Variants in SLC44A5 observed in about 807,000 individuals in gnomAD.
The protein encoded by SLC44A5 is choline transporter-like protein 5.
Under a neutral mutation model 101.8 loss-of-function variants are expected in SLC44A5, and 57 were observed. That is an observed-to-expected ratio of 0.56 (90% confidence interval 0.45 to 0.70). SLC44A5 has a LOEUF of 0.70. SLC44A5 is among the 30% of genes least tolerant of loss of function. The pLI is 0.00. For missense variants in SLC44A5, 737 were observed against 853.1 expected (o/e 0.86, Z 1.70); for synonymous variants, 281 against 290.9 (o/e 0.97, Z 0.35).
chr1:75,510,646 A>G (rs1348221092), intron 2 of SLC44A5, among the ~76,000 whole-genome samples: 2 of 152,214 alleles, frequency 1.3e-5, no homozygotes, highest in Non-Finnish European at 2.9e-5. Context: ...ACAAATTCAC[A>G]TATACTGCCT....
chr1:75,566,229 T>C (rs1672778189), intron 1 of SLC44A5, among the ~76,000 whole-genome samples: 1 of 152,230 alleles, frequency 6.6e-6, no homozygotes, highest in South Asian at 2.1e-4. Context: ...ACTAGCTATT[T>C]ATGATAAAAA....
the SLC44A5 span, among the ~76,000 whole-genome samples, chr1:75,711,662 G>A: frequency 6.6e-6 from 1 of 152,292 alleles, no homozygotes; most frequent in East Asian, 1.9e-4. Flanking sequence ...AAAAGTCAAG[G>A]ACAAGGGTCA....
intron 2 of SLC44A5, among the ~76,000 whole-genome samples, chr1:75,515,780 A>G (rs1669795461): frequency 6.6e-6 from 1 of 152,168 alleles, no homozygotes; most frequent in African/African-American, 2.4e-5. Context: ...ATACCCAGAG[A>G]TAGGATTGCT....
At chr1:75,681,628 A>G in the SLC44A5 span, among the ~76,000 whole-genome samples, 3 of 150,462 alleles carry the variant, frequency 2.0e-5, no homozygotes, top group African/African-American at 7.3e-5. Context: ...AGAGCTATCT[A>G]TGACAAACCC....
chr1:75,224,769 T>TAA (rs35175526), intron 13 of SLC44A5, among the ~76,000 whole-genome samples: 5 of 141,718 alleles, frequency 3.5e-5, no homozygotes, highest in Non-Finnish European at 4.6e-5. Context: ...ATATTGGAAG[T>TAA]AAAAAAAAAA....
chr1:75,516,589 C>G (rs556846518), intron 2 of SLC44A5, among the ~76,000 whole-genome samples: 1 of 152,208 alleles, frequency 6.6e-6, no homozygotes, highest in African/African-American at 2.4e-5. Context: ...AGGTTTAAGA[C>G]TTTGTTCATT....
chr1:75,484,523 G>A (rs1035563575), intron 2 of SLC44A5, among the ~76,000 whole-genome samples: 3 of 152,204 alleles, frequency 2.0e-5, no homozygotes, highest in Admixed American at 6.5e-5. Context: ...AGTCCCTGTG[G>A]CTGCTTTCAC....
Position 75,238,578 on chromosome 1 carries a change from A to G in SLC44A5, c.591T>C (p.Ser197=). The G allele has an allele frequency of 6.3e-7, 1 of 1,596,110 alleles. No individual in the cohort carries two copies. Among genetic ancestry groups the G allele is most frequent in the East Asian group, 2.3e-5 (1 of 43,422 alleles). Residue 197 remains serine (S), a synonymous_variant, in exon 10 of 24, where the codon AGT becomes AGC. Transcript: ENST00000370859. ...CATTTCCATCTTGAAACATCATCTT[A>G]CTTCCTATTGTTAAAGTGCCATTTT... ...STKNGTLTIG[S]KMMFQDGNGG...
intron 2 of SLC44A5, among the ~76,000 whole-genome samples, chr1:75,475,784 A>G (rs1247224754): frequency 1.3e-5 from 2 of 152,260 alleles, no homozygotes; most frequent in East Asian, 1.9e-4. Context: ...GATTAAATAA[A>G]TAGATCCTAC....
chr1:75,535,514 C>G (rs72684156), intron 2 of SLC44A5, among the ~76,000 whole-genome samples: 7,850 of 152,280 alleles, frequency 0.052, 250 homozygotes, highest in Middle Eastern at 0.11. Flanking sequence ...CCTTAGCCCC[C>G]TAAGTTAGCC....
chr1:75,618,484 C>G, the SLC44A5 span, among the ~76,000 whole-genome samples: 1 of 152,180 alleles, frequency 6.6e-6, no homozygotes, highest in Non-Finnish European at 1.5e-5. Flanking sequence ...CTGCAGGGAA[C>G]AGTAAGACAG....
At chr1:75,304,920 G>A (rs1273141589) in intron 4 of SLC44A5, among the ~76,000 whole-genome samples, 2 of 152,100 alleles carry the variant, frequency 1.3e-5, no homozygotes, top group African/African-American at 4.8e-5. Context: ...TCAAAGTCCC[G>A]CTTTCTCAAA....
At chr1:75,486,329 G>A (rs1483847933) in intron 2 of SLC44A5, among the ~76,000 whole-genome samples, 1 of 151,870 alleles carries the variant, frequency 6.6e-6, no homozygotes, top group Non-Finnish European at 1.5e-5. Flanking sequence ...ATGCAGGATG[G>A]GCATATGTCT....
chr1:75,541,359 AT>A, intron 2 of SLC44A5, 75 bp downstream of exon 2: 1 of 1,116,684 alleles, frequency 9.0e-7, no homozygotes. Flanking sequence ...ATTTGTCCTT[AT>A]TTAATATTAA....
intron 6 of SLC44A5, among the ~76,000 whole-genome samples, chr1:75,257,953 G>A (rs912959006): frequency 2.6e-5 from 4 of 152,078 alleles, no homozygotes; most frequent in African/African-American, 2.4e-5. Flanking sequence ...AGGGGTCAGG[G>A]AACTCCCTCT....
At chr1:75,698,593 C>T in the SLC44A5 span, among the ~76,000 whole-genome samples, 88 of 152,322 alleles carry the variant, frequency 5.8e-4, no homozygotes, top group Non-Finnish European at 9.3e-4. Flanking sequence ...AAAAGCAGAG[C>T]GTCTCTCCTC....
the SLC44A5 span, among the ~76,000 whole-genome samples, chr1:75,625,874 T>G: frequency 6.6e-6 from 1 of 152,126 alleles, no homozygotes; most frequent in South Asian, 2.1e-4. Context: ...TGCAGTCACT[T>G]TCCTAACTGG....
In SLC44A5 at chr1:75,203,785, A is replaced by G. The variant is rs1318709047; in HGVS notation, c.2096T>C (p.Val699Ala). The change falls in exon 24 of 24, where the codon GTG (valine) becomes GCG (alanine). Residue 699 changes from valine to alanine, a missense_variant. Coordinates refer to ENST00000370859, the MANE Select transcript of SLC44A5 (RefSeq NM_001130058.2). ...NDGSTARPYYVSQPLLKIFQE... is the reference protein window; with the variant it reads ...NDGSTARPYYASQPLLKIFQE... ...GAAAATCTTCAGCAAAGGTTGACTC[A>G]CATAATAAGGTCTTGCAGTAGAACC... is the stretch of plus-strand genomic sequence containing the variant. 3 of 1,550,354 alleles carry G rather than the reference A, an allele frequency of 1.9e-6. No homozygotes were observed. Among genetic ancestry groups the G allele is most frequent in the Non-Finnish European group, 2.6e-6 (3 of 1,146,362 alleles).
At chr1:75,615,317 A>C (rs1439820893), upstream of SLC44A5, among the ~76,000 whole-genome samples, 1 of 151,804 alleles carries the variant, frequency 6.6e-6, no homozygotes, top group Non-Finnish European at 1.5e-5. Context: ...AGGTTGGGGA[A>C]ATGGATGCAG....
Sources: gnomAD v4.1 joint callset for allele counts (sites outside exome capture counted in the v4.1 genomes callset) on GRCh38, gnomAD v4.1.1 for gene constraint, MANE v1.5 for transcripts, NCBI Gene and HGNC (gene_info 2026-07-23, HGNC 2026-07-21) for gene names.